The following KRTAP19-4 variants were observed in gnomAD, a reference collection of about 807,000 sequenced individuals.
KRTAP19-4 encodes the protein keratin-associated protein 19-4.
For missense variants in KRTAP19-4, 102 were observed against 101.1 expected (o/e 1.01, Z -0.04); for synonymous variants, 42 against 41.7 (o/e 1.01, Z -0.03).
Position 30,497,065 on chromosome 21 carries a change from C to T in KRTAP19-4, c.46G>A (p.Gly16Arg). ...CCATAGCCTAGGCCACCAAAGCCTC[C>T]ACAGCCATAGCCCAGGCCTCTGTAA... is the stretch of plus-strand genomic sequence containing the variant. Reference protein sequence around the residue: ...SYYRGLGYGCGGFGGLGYGYG... With the variant: ...SYYRGLGYGCRGFGGLGYGYG... Residue 16 changes from glycine (G) to arginine (R), a missense_variant, in exon 1 of 1, where the codon GGA becomes AGA. Transcript: ENST00000334058. The T allele has an allele frequency of 5.0e-6, 8 of 1,613,316 alleles. No individual in the cohort carries two copies. The highest frequency in any genetic ancestry group is 5.9e-6 in the Non-Finnish European group (7 of 1,179,868).
Position 30,497,000 on chromosome 21 carries a change from A to G in KRTAP19-4, c.111T>C (p.Tyr37=). The change falls in exon 1 of 1, where the codon TAT becomes TAC. Residue 37 remains tyrosine (Y), a synonymous_variant. Transcript: ENST00000334058. ...ATCCGTTGCCTCCAAAGCCACAGCCATAACCCAGTCTGCGGAAGCTGCCAC... is the reference window on the plus strand; with the variant it reads ...ATCCGTTGCCTCCAAAGCCACAGCCGTAACCCAGTCTGCGGAAGCTGCCAC... The part of the protein sequence containing the change: ...CGCGSFRRLG[Y]GCGFGGNGYG... 1 of 1,613,254 alleles carries G rather than the reference A, an allele frequency of 6.2e-7. No individual in the cohort carries two copies. The highest frequency in any genetic ancestry group is 2.2e-5 in the East Asian group (1 of 44,822).
In KRTAP19-4 at chr21:30,496,840, T is replaced by C; in HGVS notation, c.*16A>G. ...TTTTTTTCATCTTGGATTGATCTAG[T>C]GTGCCCTTGTTTGACTCAATATTTG... is the stretch of plus-strand genomic sequence containing the variant. On this transcript the variant is annotated 3_prime_UTR_variant, in exon 1 of 1. Coordinates refer to ENST00000334058, the MANE Select transcript of KRTAP19-4 (RefSeq NM_181610.3). 3.1e-6 allele frequency: 5 copies of C among 1,604,610 alleles called. 1 individual carries two copies. The East Asian group carries it at 6.7e-5, about 22-fold the overall frequency.
At position 30,497,158 on chromosome 21, in the gene KRTAP19-4, G is replaced by A. The variant is rs774716232; in HGVS notation, c.-48C>T. 6.3e-5 allele frequency: 101 copies of A among 1,608,052 alleles called. No homozygotes were observed. The highest frequency in any genetic ancestry group is 8.4e-5 in the Non-Finnish European group (99 of 1,176,038). On this transcript the variant is annotated 5_prime_UTR_variant, in exon 1 of 1. Transcript: ENST00000334058. ...TTGGCTGCTCAAGGCAAGATCCTAA[G>A]TGTGAATGGCAGCACGTGTAGAGGG... is the stretch of plus-strand genomic sequence containing the variant.
the KRTAP19-4 span, chr21:30,496,931 TG>T: frequency 6.2e-6 from 10 of 1,612,172 alleles, no homozygotes; most frequent in Non-Finnish European, 8.5e-6. Context: ...TCAGTAGAAT[TG>T]AGAATCCATA....
Sources: gnomAD v4.1 joint callset for allele counts on GRCh38, gnomAD v4.1.1 for gene constraint, MANE v1.5 for transcripts, NCBI Gene and HGNC (gene_info 2026-07-23, HGNC 2026-07-21) for gene names.